The following SUSD1 variants were observed in gnomAD, a reference collection of about 807,000 sequenced individuals.
SUSD1 encodes the protein sushi domain-containing protein 1.
In SUSD1, 65 loss-of-function variants were observed where a neutral mutation model predicts 86.9. The observed-to-expected ratio is 0.75, with a 90% CI of 0.61 to 0.92. The LOEUF (loss-of-function observed/expected upper bound fraction) is 0.92, where lower values mean the gene tolerates loss of function less well. Among genes scored for constraint, SUSD1 ranks in the 40% least tolerant of loss-of-function variants. The pLI is 0.00. For missense variants in SUSD1, 850 were observed against 929.7 expected (o/e 0.91, Z 1.11); for synonymous variants, 346 against 350.0 (o/e 0.99, Z 0.13).
At chr9:112,080,673 GT>G (rs1829726803) in intron 10 of SUSD1, among the ~76,000 whole-genome samples, 1 of 145,916 alleles carries the variant, frequency 6.9e-6, no homozygotes, top group Non-Finnish European at 1.5e-5. Context: ...GGGTGACAGA[GT>G]GAGACTCTGT....
At chr9:112,094,359 C>T (rs971346674) in intron 10 of SUSD1, among the ~76,000 whole-genome samples, 20 of 152,150 alleles carry the variant, frequency 1.3e-4, no homozygotes, top group Admixed American at 5.9e-4. Context: ...ACTGGATCCA[C>T]GGTTTCTCCA....
At chr9:112,098,690 C>A in intron 9 of SUSD1, 28 bp from the exon 10 acceptor site, 1 of 1,610,024 alleles carries the variant, frequency 6.2e-7, no homozygotes, top group Non-Finnish European at 8.5e-7. Context: ...GAAAGTGTTA[C>A]ATTAGATTTT....
chr9:112,148,714 T>C (rs909782486), intron 3 of SUSD1, among the ~76,000 whole-genome samples: 1 of 152,014 alleles, frequency 6.6e-6, no homozygotes, highest in African/African-American at 2.4e-5. Context: ...GAGACCAGCC[T>C]GGCCAATGGG....
intron 3 of SUSD1, chr9:112,146,116 C>G (rs1832798494): frequency 6.6e-6 from 1 of 152,240 alleles, no homozygotes; most frequent in Non-Finnish European, 1.5e-5. Context: ...GATACCCCAA[C>G]ACTTGCTAAG....
At chr9:112,092,411 T>C (rs1830239150) in intron 10 of SUSD1, among the ~76,000 whole-genome samples, 1 of 152,252 alleles carries the variant, frequency 6.6e-6, no homozygotes, top group Non-Finnish European at 1.5e-5. Context: ...TTCTAACTGA[T>C]TCTTAATGTT....
Position 112,041,215 on chromosome 9 carries a change from A to G in SUSD1, c.*277T>C. ...CAGATCTGTATGTAGCCTTCGGTCA[A>G]TATCACAGTGTACATCAGGAGTCTC... On this transcript the variant is annotated 3_prime_UTR_variant, in exon 17 of 17. Transcript: ENST00000374270. The G allele has an allele frequency of 1.7e-6, 1 of 586,152 alleles. No homozygotes were observed. Among genetic ancestry groups the G allele is most frequent in the East Asian group, 2.8e-5 (1 of 36,126 alleles). The allele number at this position is 586,152 out of a possible 1,614,324, so 36.3% of individuals were successfully genotyped here.
chr9:112,076,922 G>A (rs1460340521), intron 12 of SUSD1, among the ~76,000 whole-genome samples: 1 of 152,182 alleles, frequency 6.6e-6, no homozygotes, highest in East Asian at 1.9e-4. Context: ...CAAACGAAGA[G>A]CCTTTCAGTA....
At position 112,175,248 on chromosome 9, in the gene SUSD1, C is replaced by T; in HGVS notation, c.-13G>A. 1.7e-6 allele frequency: 2 copies of T among 1,150,844 alleles called. No homozygotes were observed. Among genetic ancestry groups the T allele is most frequent in the Non-Finnish European group, 2.1e-6 (2 of 936,646 alleles). 71.3% of individuals were successfully genotyped at this position (1,150,844 alleles called of 1,614,324 possible). A position where few individuals can be genotyped will look rare whatever the true frequency, so the allele number is the denominator to read the frequency against. On this transcript the variant is annotated 5_prime_UTR_variant, in exon 1 of 17. Transcript: ENST00000374270. The surrounding 1 kb of genome is among the most constrained non-coding windows in gnomAD (Gnocchi z 4.7). Reference sequence around the variant, plus strand: ...GCCCCCGGCCCATGCCGCCGCCGGTCCCTCCCGGCGCGCCCGCGCCTCCTC... The same window carrying T: ...GCCCCCGGCCCATGCCGCCGCCGGTTCCTCCCGGCGCGCCCGCGCCTCCTC...
chr9:112,156,345 C>T (rs181341625), intron 2 of SUSD1, among the ~76,000 whole-genome samples: 41 of 151,888 alleles, frequency 2.7e-4, no homozygotes, highest in Non-Finnish European at 4.7e-4. Flanking sequence ...ACCTGTAATC[C>T]CAGCTACTCA....
At chr9:112,170,360 GAAC>G (rs1405358582) in intron 1 of SUSD1, among the ~76,000 whole-genome samples, 1 of 152,028 alleles carries the variant, frequency 6.6e-6, no homozygotes, top group Admixed American at 6.6e-5. Flanking sequence ...TATACAGCAA[GAAC>G]AACTTCCTGA....
At chr9:112,052,555 A>C in intron 14 of SUSD1, 117 bp from the exon 15 acceptor site, 1 of 1,115,882 alleles carries the variant, frequency 9.0e-7, no homozygotes, top group Non-Finnish European at 1.3e-6. Flanking sequence ...AATCTGAACT[A>C]GACCTTTAAA....
chr9:112,101,112 A>C (rs921774082), intron 9 of SUSD1, among the ~76,000 whole-genome samples: 4 of 152,110 alleles, frequency 2.6e-5, no homozygotes, highest in Non-Finnish European at 5.9e-5. Context: ...CTGTAATCCC[A>C]GCACCTAGGG....
At chr9:112,157,897 C>T (rs971026914) in intron 1 of SUSD1, among the ~76,000 whole-genome samples, 4 of 150,546 alleles carry the variant, frequency 2.7e-5, no homozygotes, top group East Asian at 1.9e-4. Context: ...AATCACAGCT[C>T]GCTGCAGCCT....
At chr9:112,109,661 T>C (rs1050331720) in intron 8 of SUSD1, among the ~76,000 whole-genome samples, 4 of 152,184 alleles carry the variant, frequency 2.6e-5, no homozygotes, top group African/African-American at 9.7e-5. Context: ...GAAAGGAACT[T>C]GAACAGGTAA....
At position 112,111,675 on chromosome 9, in the gene SUSD1, C is replaced by T. The variant is rs556988198; in HGVS notation, c.1150G>A (p.Val384Ile). ...CTACCAGCTGTCTGGAAACCGATGA[C>T]GGCTGGCATCGAGCGCCTGGGAGGT... ...TAPPRRSMPA[V>I]IGFQTAEVDL... Residue 384 changes from valine to isoleucine, a missense_variant, in exon 8 of 17, where the codon GTC becomes ATC. Physicochemically the swap from Val to Ile is conservative, Grantham distance 29. Transcript: ENST00000374270. The T allele has an allele frequency of 6.8e-6, 11 of 1,613,784 alleles. No homozygotes were observed. Among genetic ancestry groups the T allele is most frequent in the Middle Eastern group, 1.7e-4 (1 of 6,056 alleles).
At chr9:112,105,538 G>T (rs747496269) in intron 8 of SUSD1, among the ~76,000 whole-genome samples, 5 of 152,088 alleles carry the variant, frequency 3.3e-5, no homozygotes, top group Non-Finnish European at 7.4e-5. Flanking sequence ...GGCCAACATG[G>T]TAAAACCCCA....
intron 1 of SUSD1, among the ~76,000 whole-genome samples, chr9:112,168,447 C>T (rs749542052): frequency 2.6e-5 from 4 of 152,180 alleles, no homozygotes; most frequent in Non-Finnish European, 4.4e-5. Context: ...AGCTCCTCAC[C>T]TTTTCAGCCC....
intron 6 of SUSD1, among the ~76,000 whole-genome samples, chr9:112,117,933 C>A (rs942244112): frequency 6.6e-6 from 1 of 152,030 alleles, no homozygotes; most frequent in Non-Finnish European, 1.5e-5. Flanking sequence ...TGGGGGTGTT[C>A]GATGCCTGGT....
intron 10 of SUSD1, among the ~76,000 whole-genome samples, chr9:112,091,429 G>A (rs1426036809): frequency 6.6e-6 from 1 of 152,160 alleles, no homozygotes. Flanking sequence ...AAGAGTAATG[G>A]TTTTCTACCA....
Sources: gnomAD v4.1 joint callset for allele counts (sites outside exome capture counted in the v4.1 genomes callset) on GRCh38, gnomAD v4.1.1 for gene constraint, Gnocchi (gnomAD v3.1) non-coding constraint, MANE v1.5 for transcripts, NCBI Gene and HGNC (gene_info 2026-07-23, HGNC 2026-07-21) for gene names.